The following AK3 variants were observed in gnomAD, a reference collection of about 807,000 sequenced individuals.
AK3 encodes the protein GTP:AMP phosphotransferase AK3, mitochondrial.
A neutral mutation model predicts 23.7 loss-of-function variants in AK3; 27 were observed. That is an observed-to-expected ratio of 1.14 (90% CI 0.84 to 1.57). The LOEUF (loss-of-function observed/expected upper bound fraction) is 1.57, where lower values mean the gene tolerates loss of function less well. AK3 is among the 40% of genes most tolerant of loss of function. The pLI is 0.00. For synonymous variants in AK3, 159 were observed against 116.0 expected (o/e 1.37, Z -2.38); for missense variants, 406 against 285.6 (o/e 1.42, Z -3.04).
upstream of AK3, chr9:4,741,322 G>C (rs1318966255): frequency 1.3e-5 from 5 of 399,086 alleles, no homozygotes; most frequent in East Asian, 1.6e-4. Context: ...CCCCGACCGA[G>C]CGCCTGTTCC....
At chr9:4,719,357 G>T (rs1295822747) in intron 2 of AK3, 50 bp from the exon 3 acceptor site, 1 of 1,144,862 alleles carries the variant, frequency 8.7e-7, no homozygotes, top group African/African-American at 1.6e-5. Context: ...AGGAAGTATG[G>T]GGTGGGGGTG....
intron 1 of AK3, among the ~76,000 whole-genome samples, chr9:4,726,457 A>C (rs988163567): frequency 6.6e-6 from 1 of 152,216 alleles, no homozygotes; most frequent in Admixed American, 6.5e-5. Context: ...TGCTCACAGC[A>C]TCTTCACCAG....
intron 1 of AK3, among the ~76,000 whole-genome samples, chr9:4,740,181 A>G (rs1462840362): frequency 6.6e-6 from 1 of 152,072 alleles, no homozygotes; most frequent in African/African-American, 2.4e-5. Flanking sequence ...TAAGGTCAAC[A>G]TTTTTTGAGA....
intron 1 of AK3, 115 bp from the exon 2 acceptor site, chr9:4,722,740 GCAT>G (rs1374400579): frequency 2.8e-6 from 4 of 1,448,040 alleles, no homozygotes; most frequent in Non-Finnish European, 2.8e-6. Flanking sequence ...CTGAAAATGT[GCAT>G]CATCAACTTT....
chr9:4,729,191 G>C (rs1476774437), intron 1 of AK3, among the ~76,000 whole-genome samples: 1 of 151,700 alleles, frequency 6.6e-6, no homozygotes, highest in Non-Finnish European at 1.5e-5. Context: ...TGTATTTTTA[G>C]TAGGGACAGG....
chr9:4,729,803 C>A (rs374981), intron 1 of AK3, among the ~76,000 whole-genome samples: 12,593 of 150,216 alleles, frequency 0.084, 619 homozygotes, highest in African/African-American at 0.13. Flanking sequence ...TGCACTCCAG[C>A]CTTGGTGACA....
chr9:4,740,565 C>G lies in AK3; in HGVS notation c.151+372G>C, dbSNP rs182148171. 2.6e-5 allele frequency among the ~76,000 whole-genome samples: 4 copies of G among 152,352 alleles called. No homozygotes were observed. The East Asian group carries it at 7.7e-4, about 29-fold the overall frequency. On this transcript the variant is annotated intron_variant, in intron 1 of 4. Coordinates refer to ENST00000381809, the MANE Select transcript of AK3 (RefSeq NM_016282.4). ...GAGCAGACTCTAGCAGGGCTAATGA[C>G]AGTCTTCCAAAGGCACCAGCACGTT...
intron 1 of AK3, among the ~76,000 whole-genome samples, chr9:4,739,803 C>T (rs1194943557): frequency 2.0e-5 from 3 of 151,820 alleles, no homozygotes; most frequent in Admixed American, 6.6e-5. Flanking sequence ...TGGTGGCATG[C>T]GCCTGTAGTC....
chr9:4,735,479 T>TATATATA (rs758311463), intron 1 of AK3, among the ~76,000 whole-genome samples: 1 of 69,130 alleles, frequency 1.4e-5, no homozygotes, highest in Non-Finnish European at 2.7e-5. Context: ...TATATATATA[T>TATATATA]TTTTTTTTTT....
At chr9:4,722,728 A>C (rs1189393799) in intron 1 of AK3, 103 bp from the exon 2 acceptor site, 32 of 1,503,454 alleles carry the variant, frequency 2.1e-5, no homozygotes, top group African/African-American at 4.2e-5. Context: ...TGGCATACTC[A>C]TCTGAAAATG....
Position 4,709,563 on chromosome 9 carries a change from T to A in AK3, c.*3413A>T, listed in dbSNP as rs1025099080. On this transcript the variant is annotated 3_prime_UTR_variant, in exon 5 of 5. Coordinates refer to ENST00000381809, the MANE Select transcript of AK3 (RefSeq NM_016282.4). ...GACACAGTGCTGGACTGATTTACAC[T>A]TAGGCATGACAGTTTATTCAGTGCT... The A allele has an allele frequency of 6.6e-6, 1 of 152,214 alleles. No homozygotes were observed. Among genetic ancestry groups the A allele is most frequent in the African/African-American group, 2.4e-5 (1 of 41,444 alleles). The allele number at this position is 152,214 out of a possible 1,614,324, so 9.4% of individuals were successfully genotyped here.
rs1182536161 is a variant in AK3, at chr9:4,714,997, T to C, written c.564-1901A>G. ...ACTTTGGGAGGCCAAGGAGGGTGGA[T>C]CACTTGAGGTCAGGAGTTCAAGACC... On this transcript the variant is annotated intron_variant, in intron 4 of 4. Coordinates refer to ENST00000381809, the MANE Select transcript of AK3 (RefSeq NM_016282.4). Among the ~76,000 whole-genome samples the C allele has an allele frequency of 2.6e-5, 4 of 151,816 alleles. No individual in the cohort carries two copies. In the East Asian group the frequency reaches 7.7e-4, roughly 29 times the overall value.
chr9:4,714,082 A>ACCTC lies in AK3; in HGVS notation c.564-987_564-986insGAGG, dbSNP rs1267970318. The stretch of plus-strand genomic sequence containing the variant: ...CACATATACACACCTACACATATAC[A>ACCTC]CACCTACACATATACACACCTACAC... On this transcript the variant is annotated intron_variant, in intron 4 of 4. Transcript: ENST00000381809. 1.4e-4 allele frequency among the ~76,000 whole-genome samples: 2 copies of ACCTC among 14,754 alleles called. 1 individual carries two copies. The highest frequency in any genetic ancestry group is 4.2e-4 in the African/African-American group (2 of 4,816). 9.7% of individuals were successfully genotyped at this position (14,754 alleles called of 152,430 possible). A position where few individuals can be genotyped will look rare whatever the true frequency, so the allele number is the denominator to read the frequency against.
intron 1 of AK3, among the ~76,000 whole-genome samples, chr9:4,729,218 C>G (rs547352387): frequency 4.6e-5 from 7 of 152,100 alleles, no homozygotes; most frequent in African/African-American, 7.2e-5. Flanking sequence ...CCATGTTGGT[C>G]AGGCTGGTGC....
intron 4 of AK3, among the ~76,000 whole-genome samples, chr9:4,717,900 G>C (rs1841779929): frequency 6.6e-6 from 1 of 152,194 alleles, no homozygotes; most frequent in African/African-American, 2.4e-5. Flanking sequence ...GCAGAGTATG[G>C]ATGAGACTGT....
At chr9:4,733,801 C>T (rs934654436) in intron 1 of AK3, among the ~76,000 whole-genome samples, 1 of 139,896 alleles carries the variant, frequency 7.1e-6, no homozygotes, top group African/African-American at 2.7e-5. Flanking sequence ...CAGCAAGGAG[C>T]TCTACACACA....
chr9:4,719,670 C>T (rs1309049236), intron 2 of AK3, among the ~76,000 whole-genome samples: 6 of 152,062 alleles, frequency 3.9e-5, no homozygotes, highest in Non-Finnish European at 8.8e-5. Context: ...AAAGGCTGAC[C>T]CTCACCCAAA....
At chr9:4,735,479 T>TACA (rs758311463) in intron 1 of AK3, among the ~76,000 whole-genome samples, 1 of 69,130 alleles carries the variant, frequency 1.4e-5, no homozygotes, top group South Asian at 4.1e-4. Flanking sequence ...TATATATATA[T>TACA]TTTTTTTTTT....
intron 4 of AK3, 66 bp downstream of exon 4, chr9:4,718,353 A>G (rs949332355): frequency 1.1e-4 from 128 of 1,195,368 alleles, no homozygotes; most frequent in Middle Eastern, 2.7e-4. Flanking sequence ...GCTGTAGAGG[A>G]AGGAAAATCA....
Sources: allele counts gnomAD v4.1 joint callset (sites outside exome capture counted in the v4.1 genomes callset), GRCh38; gene constraint gnomAD v4.1.1; transcripts MANE v1.5; gene names NCBI Gene and HGNC (gene_info 2026-07-23, HGNC 2026-07-21).